Variants in SAMMSON observed in about 807,000 individuals in gnomAD.
SAMMSON encodes survival associated mitochondrial melanoma specific oncogenic non-coding RNA, also known as long intergenic non-protein coding RNA 1212.
intron 3 of SAMMSON, among the ~76,000 whole-genome samples, chr3:70,032,274 C>CA (rs949399102): frequency 7.8e-4 from 109 of 139,302 alleles, no homozygotes; most frequent in African/African-American, 3.0e-3. Context: ...AGGGTACAGG[C>CA]AAAAAAAATC....
At position 70,049,149 on chromosome 3, in the gene SAMMSON, C is replaced by G. The variant is rs957723729; in HGVS notation, n.418-22327C>G. On this transcript the variant is annotated intron_variant and non_coding_transcript_variant, in intron 3 of 9. Transcript: ENST00000642114. ...CTGCATACCTACCAGGTAGTGGGTACTGTTAGAGGTGATTAAATTTGTGTC... is the reference window on the plus strand; with the variant it reads ...CTGCATACCTACCAGGTAGTGGGTAGTGTTAGAGGTGATTAAATTTGTGTC... Among the ~76,000 whole-genome samples the G allele has an allele frequency of 2.0e-5, 3 of 152,228 alleles. No homozygotes were observed. The South Asian group carries it at 6.2e-4, about 32-fold the overall frequency.
At chr3:70,020,026 C>T (rs2067005261) in intron 3 of SAMMSON, among the ~76,000 whole-genome samples, 1 of 152,102 alleles carries the variant, frequency 6.6e-6, no homozygotes, top group Non-Finnish European at 1.5e-5. Flanking sequence ...GCTCTCTTTT[C>T]ACAGGCAGAA....
intron 3 of SAMMSON, among the ~76,000 whole-genome samples, chr3:70,044,470 T>TCC (rs2067116731): frequency 6.6e-6 from 1 of 152,064 alleles, no homozygotes; most frequent in Non-Finnish European, 1.5e-5. Context: ...TGCTGTGTAC[T>TCC]TAAACATATT....
chr3:70,251,399 T>A (rs1354317126), intron 6 of SAMMSON, among the ~76,000 whole-genome samples: 1 of 152,206 alleles, frequency 6.6e-6, no homozygotes, highest in East Asian at 1.9e-4. Context: ...TGACTATGCA[T>A]CCCAAGATTT....
intron 7 of SAMMSON, among the ~76,000 whole-genome samples, chr3:70,338,190 A>G (rs908794358): frequency 6.6e-6 from 1 of 152,050 alleles, no homozygotes; most frequent in Non-Finnish European, 1.5e-5. Flanking sequence ...TTGTGATTTG[A>G]GGCAACACAT....
At chr3:70,100,528 G>A (rs79772583) in intron 4 of SAMMSON, among the ~76,000 whole-genome samples, 1 of 218 alleles carries the variant, frequency 4.6e-3, no homozygotes, top group Non-Finnish European at 0.019. Flanking sequence ...GGGGGGGGGG[G>A]GGGGGAAGCA....
intron 4 of SAMMSON, among the ~76,000 whole-genome samples, chr3:70,195,851 A>T (rs934941255): frequency 2.0e-5 from 3 of 152,242 alleles, no homozygotes; most frequent in Admixed American, 1.3e-4. Context: ...CAAACTGTTT[A>T]AACTTATTTG....
chr3:70,267,079 T>A (rs1701922795), intron 6 of SAMMSON, among the ~76,000 whole-genome samples: 2 of 152,258 alleles, frequency 1.3e-5, no homozygotes, highest in Middle Eastern at 3.4e-3. Context: ...TGAAGTTGGG[T>A]CACTCCCCAA....
intron 9 of SAMMSON, among the ~76,000 whole-genome samples, chr3:70,372,067 CT>C (rs1448399422): frequency 1.3e-5 from 2 of 151,980 alleles, no homozygotes; most frequent in East Asian, 3.9e-4. Flanking sequence ...TCATAAAATG[CT>C]TTTTATGTGT....
At chr3:70,100,879 G>C (rs1046175432) in intron 4 of SAMMSON, among the ~76,000 whole-genome samples, 1 of 152,128 alleles carries the variant, frequency 6.6e-6, no homozygotes, top group African/African-American at 2.4e-5. Context: ...TAATTTATCA[G>C]TTCCTTGTTA....
chr3:70,251,479 T>G (rs1251161802), intron 6 of SAMMSON, among the ~76,000 whole-genome samples: 1 of 152,184 alleles, frequency 6.6e-6, no homozygotes, highest in East Asian at 1.9e-4. Context: ...AATGTATTGG[T>G]CTACACTTTT....
intron 7 of SAMMSON, among the ~76,000 whole-genome samples, chr3:70,321,011 G>A (rs1204145794): frequency 1.3e-5 from 2 of 151,964 alleles, no homozygotes; most frequent in Non-Finnish European, 2.9e-5. Context: ...AAAAACCTGG[G>A]CAAGTCAGAA....
At chr3:70,079,591 T>C (rs557113093) in intron 4 of SAMMSON, among the ~76,000 whole-genome samples, 1 of 152,314 alleles carries the variant, frequency 6.6e-6, no homozygotes, top group East Asian at 1.9e-4. Context: ...TTCTATAAAA[T>C]AGGCTTTGCG....
At chr3:70,016,877 G>T (rs1205116028) in intron 3 of SAMMSON, among the ~76,000 whole-genome samples, 3 of 152,084 alleles carry the variant, frequency 2.0e-5, no homozygotes, top group Non-Finnish European at 2.9e-5. Context: ...TGTCAGGTTT[G>T]TCAAAGATCA....
chr3:70,044,663 A>C (rs940219086), intron 3 of SAMMSON, among the ~76,000 whole-genome samples: 1 of 151,884 alleles, frequency 6.6e-6, no homozygotes, highest in Admixed American at 6.6e-5. Context: ...AAATTTTCCT[A>C]TTACTGTGTA....
At chr3:70,418,919 T>TCTTTCCTTTC (rs200336047) in intron 2 of SAMMSON, among the ~76,000 whole-genome samples, 1,662 of 85,094 alleles carry the variant, frequency 0.02, 98 homozygotes, top group African/African-American at 0.03. Context: ...ATGTTTGCTT[T>TCTTTCCTTTC]CTTTCCTTTC....
intron 4 of SAMMSON, chr3:70,206,817 C>T (rs1701295936): frequency 2.5e-6 from 1 of 397,118 alleles, no homozygotes; most frequent in Non-Finnish European, 4.4e-6. Context: ...AAAACACATA[C>T]AGAAACCCAC....
chr3:70,307,830 C>A (rs185085178), intron 7 of SAMMSON, among the ~76,000 whole-genome samples: 1 of 152,130 alleles, frequency 6.6e-6, no homozygotes, highest in African/African-American at 2.4e-5. Flanking sequence ...AGCACTCAAT[C>A]GGTTTTCTCA....
chr3:70,409,863 C>T (rs905116352), intron 2 of SAMMSON, among the ~76,000 whole-genome samples: 11 of 152,036 alleles, frequency 7.2e-5, no homozygotes, highest in South Asian at 2.1e-4. Flanking sequence ...GTACATGTCC[C>T]GCTTTGTTAC....
Sources: gnomAD v4.1 joint callset for allele counts (sites outside exome capture counted in the v4.1 genomes callset) on GRCh38, gnomAD v4.1.1 for gene constraint, MANE v1.5 for transcripts, NCBI Gene and HGNC (gene_info 2026-07-23, HGNC 2026-07-21) for gene names.